Variants in GRAMD4 observed in about 807,000 individuals in gnomAD.
GRAMD4 encodes the protein GRAM domain-containing protein 4.
In GRAMD4, 25 loss-of-function variants were observed where a neutral mutation model predicts 83.9. The ratio of observed to expected loss-of-function variants is 0.30; its 90% CI spans 0.22 to 0.42. The LOEUF (loss-of-function observed/expected upper bound fraction) is 0.42, where lower values mean the gene tolerates loss of function less well. GRAMD4 is among the 10% of genes least tolerant of loss of function. GRAMD4 has a pLI of 1.00. For missense variants in GRAMD4, 593 were observed against 788.7 expected, an observed-to-expected ratio of 0.75 and a Z score of 2.97; for synonymous variants, 336 against 320.9, an observed-to-expected ratio of 1.05 and a Z score of -0.50.
intron 3 of GRAMD4, among the ~76,000 whole-genome samples, chr22:46,652,376 G>A (rs1044928062): frequency 2.6e-5 from 4 of 152,306 alleles, no homozygotes; most frequent in Middle Eastern, 3.4e-3. Flanking sequence ...CCCGGAGCCT[G>A]CAGAAGGAAC....
chr22:46,655,018 G>A (rs1601644410), intron 3 of GRAMD4, among the ~76,000 whole-genome samples: 1 of 152,216 alleles, frequency 6.6e-6, no homozygotes, highest in African/African-American at 2.4e-5. Flanking sequence ...CGCCAGATGG[G>A]GGGGCTGTTG....
chr22:46,675,289 C>T (rs532496163), intron 16 of GRAMD4, among the ~76,000 whole-genome samples, 179 bp from the exon 17 acceptor site: 31 of 152,006 alleles, frequency 2.0e-4, no homozygotes, highest in Non-Finnish European at 3.8e-4. Context: ...GAGCAGTGGC[C>T]GTGAGTGTCT....
intron 1 of GRAMD4, among the ~76,000 whole-genome samples, chr22:46,614,306 C>T (rs973133174): frequency 5.9e-5 from 9 of 152,170 alleles, no homozygotes; most frequent in African/African-American, 2.2e-4. Flanking sequence ...GGCCTCACTT[C>T]TCCTTGTGTT....
chr22:46,665,389 C>G (rs759031642), intron 8 of GRAMD4, among the ~76,000 whole-genome samples: 2 of 152,246 alleles, frequency 1.3e-5, no homozygotes, highest in Non-Finnish European at 2.9e-5. Context: ...CCCCAGGACA[C>G]GCTTCTCCCT....
intron 11 of GRAMD4, 73 bp downstream of exon 11, chr22:46,668,240 G>A (rs899059939): frequency 1.1e-5 from 12 of 1,070,948 alleles, no homozygotes; most frequent in South Asian, 2.6e-5. Flanking sequence ...TGTCTACGCC[G>A]GCCAGGGGTA....
In GRAMD4 at chr22:46,654,293, C is replaced by T. The variant is rs573605989; in HGVS notation, c.284-3894C>T. Among the ~76,000 whole-genome samples the T allele has an allele frequency of 6.1e-4, 93 of 152,310 alleles. 1 individual carries two copies. The highest frequency in any genetic ancestry group is 2.2e-3 in the African/African-American group (91 of 41,582). Reference sequence around the variant, plus strand: ...GCTCCTCCTGCCTTGGGGCATGGACCCGCCCACCAAGGGCTTCAGGGCCAG... The same window carrying T: ...GCTCCTCCTGCCTTGGGGCATGGACTCGCCCACCAAGGGCTTCAGGGCCAG... On this transcript the variant is annotated intron_variant, in intron 3 of 18. Transcript: ENST00000406902.
intron 1 of GRAMD4, among the ~76,000 whole-genome samples, chr22:46,591,852 A>AAC (rs61509660): frequency 1.4e-5 from 2 of 142,158 alleles, no homozygotes; most frequent in African/African-American, 2.6e-5. Context: ...AAAAAAAAAA[A>AAC]CCCAGAAAGG....
At chr22:46,596,202 C>T (rs546493214) in intron 1 of GRAMD4, among the ~76,000 whole-genome samples, 1 of 152,388 alleles carries the variant, frequency 6.6e-6, no homozygotes, top group East Asian at 1.9e-4. Context: ...GCCCAGCCCC[C>T]TGCTTCCCGT....
At chr22:46,654,747 A>G (rs991335601) in intron 3 of GRAMD4, among the ~76,000 whole-genome samples, 3 of 151,960 alleles carry the variant, frequency 2.0e-5, no homozygotes, top group African/African-American at 7.3e-5. Context: ...TCCCTTCCCC[A>G]CATCTTGCTG....
Position 46,676,873 on chromosome 22 carries a change from G to A in GRAMD4, c.1632+205G>A, listed in dbSNP as rs141152259. Among the ~76,000 whole-genome samples the A allele has an allele frequency of 8.4e-4, 128 of 152,362 alleles. 1 individual carries two copies. The highest frequency in any genetic ancestry group is 2.8e-3 in the African/African-American group (117 of 41,600). ...ATCTTGCTGGGGCCATCGAGTCACC[G>A]GACAGACAGGGATGTTGGGCACAGG... On this transcript the variant is annotated intron_variant, in intron 18 of 18. Transcript: ENST00000406902.
chr22:46,626,079 C>T (rs911659307), intron 1 of GRAMD4, among the ~76,000 whole-genome samples: 3 of 152,170 alleles, frequency 2.0e-5, no homozygotes, highest in Non-Finnish European at 4.4e-5. Flanking sequence ...TGAGCCTGGT[C>T]GCATGGCGAG....
chr22:46,587,409 A>G (rs995560795), intron 1 of GRAMD4, among the ~76,000 whole-genome samples: 1 of 152,052 alleles, frequency 6.6e-6, no homozygotes, highest in African/African-American at 2.4e-5. Flanking sequence ...CCGGAGTGAC[A>G]CTGGGCCATC....
At chr22:46,594,362 G>A (rs1357561161) in intron 1 of GRAMD4, among the ~76,000 whole-genome samples, 1 of 151,728 alleles carries the variant, frequency 6.6e-6, no homozygotes, top group Non-Finnish European at 1.5e-5. Context: ...GGCGGGTGGG[G>A]TGGGTATGGT....
At chr22:46,642,206 C>T (rs555980277) in intron 3 of GRAMD4, among the ~76,000 whole-genome samples, 17 of 152,252 alleles carry the variant, frequency 1.1e-4, no homozygotes, top group Non-Finnish European at 2.2e-4. Context: ...ATCCCAGGCT[C>T]ATCGCCAGCA....
chr22:46,614,758 G>A (rs1014153314), intron 1 of GRAMD4, among the ~76,000 whole-genome samples: 2 of 151,916 alleles, frequency 1.3e-5, no homozygotes, highest in Non-Finnish European at 2.9e-5. Flanking sequence ...GCCTGTGCGT[G>A]TAGGTTCCCC....
intron 4 of GRAMD4, 108 bp downstream of exon 4, chr22:46,658,415 C>T: frequency 8.6e-7 from 1 of 1,156,152 alleles, no homozygotes; most frequent in South Asian, 1.5e-5. Context: ...CAGCATCATT[C>T]TTGGCCCTGG....
chr22:46,585,875 C>T (rs1279274656), intron 1 of GRAMD4, among the ~76,000 whole-genome samples: 2 of 152,206 alleles, frequency 1.3e-5, no homozygotes, highest in Non-Finnish European at 2.9e-5. Flanking sequence ...TAAAGGTCAG[C>T]CTCTGTGCAA....
At position 46,664,121 on chromosome 22, in the gene GRAMD4, A is replaced by G. The variant is rs1445195317; in HGVS notation, c.717+4A>G. 1 of 1,586,914 alleles carries G rather than the reference A, an allele frequency of 6.3e-7. No homozygotes were observed. The highest frequency in any genetic ancestry group is 8.6e-7 in the Non-Finnish European group (1 of 1,159,694). ...CACGTCTGCCATTGCCTTCACCGTGAGTGGGTCCTCCAGGGGCCGAGCAGG... is the reference window on the plus strand; with the variant it reads ...CACGTCTGCCATTGCCTTCACCGTGGGTGGGTCCTCCAGGGGCCGAGCAGG... On this transcript the variant is annotated splice_donor_region_variant and intron_variant, in intron 8 of 18. Coordinates refer to ENST00000406902, the MANE Select transcript of GRAMD4 (RefSeq NM_015124.5).
At chr22:46,639,122 TTGTG>T (rs2147229108) in intron 3 of GRAMD4, among the ~76,000 whole-genome samples, 1 of 151,948 alleles carries the variant, frequency 6.6e-6, no homozygotes, top group South Asian at 2.1e-4. Context: ...GTGCTCATGT[TTGTG>T]TGGCTATGGT....
Sources: allele counts gnomAD v4.1 joint callset (sites outside exome capture counted in the v4.1 genomes callset), GRCh38; gene constraint gnomAD v4.1.1; transcripts MANE v1.5; gene names NCBI Gene and HGNC (gene_info 2026-07-23, HGNC 2026-07-21).